LDLRAD4: variants seen among roughly 807,000 people sequenced by gnomAD.
LDLRAD4 encodes the protein low-density lipoprotein receptor class A domain-containing protein 4.
A neutral mutation model predicts 17.0 loss-of-function variants in LDLRAD4; 5 were observed. That is an observed-to-expected ratio of 0.29 (90% CI 0.15 to 0.62). The LOEUF is 0.62. Ranked by LOEUF, LDLRAD4 falls within the 20% of genes least tolerant of loss-of-function variation. LDLRAD4 has a pLI of 0.84. For missense variants in LDLRAD4, 340 were observed against 424.7 expected, an observed-to-expected ratio of 0.80 and a Z score of 1.75; for synonymous variants, 168 against 171.8, an observed-to-expected ratio of 0.98 and a Z score of 0.17.
chr18:13,349,854 A>G (rs1568036693), intron 1 of LDLRAD4, among the ~76,000 whole-genome samples: 3 of 151,120 alleles, frequency 2.0e-5, no homozygotes, highest in South Asian at 2.1e-4. Context: ...TCACTATTCA[A>G]CTCCCACTTA....
intron 3 of LDLRAD4, among the ~76,000 whole-genome samples, chr18:13,546,112 G>A (rs2094358270): frequency 6.6e-6 from 1 of 152,264 alleles, no homozygotes; most frequent in South Asian, 2.1e-4. Context: ...GCTTGGTGGG[G>A]AGTGGGTGGT....
intron 3 of LDLRAD4, among the ~76,000 whole-genome samples, chr18:13,446,186 G>A (rs548696141): frequency 2.5e-3 from 387 of 152,278 alleles, no homozygotes; most frequent in Middle Eastern, 0.01. Flanking sequence ...ACCCTAGAAA[G>A]GTCATAAGAA....
intron 1 of LDLRAD4, among the ~76,000 whole-genome samples, chr18:13,304,849 G>T (rs2046817178): frequency 6.6e-6 from 1 of 152,218 alleles, no homozygotes; most frequent in Non-Finnish European, 1.5e-5. Flanking sequence ...GGACAGGGAA[G>T]ATGACACAGC....
At chr18:13,498,335 C>G (rs1327151208) in intron 3 of LDLRAD4, among the ~76,000 whole-genome samples, 4 of 151,028 alleles carry the variant, frequency 2.6e-5, no homozygotes, top group African/African-American at 9.7e-5. Flanking sequence ...GCCGTGGACA[C>G]TGGAGAATCC....
At chr18:13,233,818 G>A (rs1300965245) in intron 1 of LDLRAD4, among the ~76,000 whole-genome samples, 6 of 151,942 alleles carry the variant, frequency 3.9e-5, no homozygotes, top group Non-Finnish European at 8.8e-5. Flanking sequence ...TGCCTACCGG[G>A]CATCTCTACT....
chr18:13,602,269 T>C (rs2095172181), intron 3 of LDLRAD4, among the ~76,000 whole-genome samples: 1 of 152,110 alleles, frequency 6.6e-6, no homozygotes, highest in African/African-American at 2.4e-5. Context: ...GCATGCAGTA[T>C]AACCTTGTAT....
intron 3 of LDLRAD4, among the ~76,000 whole-genome samples, chr18:13,535,231 A>C (rs2094186644): frequency 6.6e-6 from 1 of 152,216 alleles, no homozygotes; most frequent in African/African-American, 2.4e-5. Context: ...GTTTAATTTA[A>C]TGGGTAACGC....
chr18:13,298,984 T>G (rs1275347646), intron 1 of LDLRAD4, among the ~76,000 whole-genome samples: 1 of 152,136 alleles, frequency 6.6e-6, no homozygotes, highest in Non-Finnish European at 1.5e-5. Flanking sequence ...TAAAAGGGAG[T>G]GCTTAACTTA....
intron 1 of LDLRAD4, among the ~76,000 whole-genome samples, chr18:13,270,362 AAAAAAAAGAAAAGG>A (rs367798354): frequency 3.3e-5 from 5 of 152,100 alleles, no homozygotes; most frequent in East Asian, 3.9e-4. Flanking sequence ...CTCTTAAAAA[AAAAAAAAGAAAAGG>A]AAAAAAAGAA....
At chr18:13,224,082 C>T (rs985415927) in intron 1 of LDLRAD4, among the ~76,000 whole-genome samples, 2 of 152,210 alleles carry the variant, frequency 1.3e-5, no homozygotes, top group African/African-American at 2.4e-5. Flanking sequence ...AGCCCTCCCT[C>T]CCCAACTCCC....
intron 1 of LDLRAD4, among the ~76,000 whole-genome samples, chr18:13,253,244 G>A (rs2043320833): frequency 6.6e-6 from 1 of 152,084 alleles, no homozygotes. Flanking sequence ...GTGGGGTGGG[G>A]GGTGTGAGGC....
At chr18:13,411,617 G>T (rs545540656) in intron 2 of LDLRAD4, among the ~76,000 whole-genome samples, 14 of 152,124 alleles carry the variant, frequency 9.2e-5, no homozygotes, top group African/African-American at 3.1e-4. Flanking sequence ...CCCTGCACAC[G>T]CTCTCTTGCC....
At chr18:13,219,625 A>G (rs975787481) in intron 1 of LDLRAD4, among the ~76,000 whole-genome samples, 1 of 152,206 alleles carries the variant, frequency 6.6e-6, no homozygotes, top group Admixed American at 6.5e-5. Context: ...GTAGAGGTGG[A>G]TAGAGATGGT....
intron 2 of LDLRAD4, among the ~76,000 whole-genome samples, chr18:13,396,799 A>G (rs1003082383): frequency 2.0e-5 from 3 of 151,952 alleles, no homozygotes; most frequent in Non-Finnish European, 4.4e-5. Flanking sequence ...TTATTGTTTT[A>G]TTGTTATTTG....
chr18:13,625,297 C>T (rs1356439390), intron 4 of LDLRAD4, among the ~76,000 whole-genome samples: 1 of 152,162 alleles, frequency 6.6e-6, no homozygotes, highest in Non-Finnish European at 1.5e-5. Flanking sequence ...CTTACTGTTA[C>T]GTCTTTCTGC....
intron 1 of LDLRAD4, among the ~76,000 whole-genome samples, chr18:13,298,146 A>G (rs2046372585): frequency 6.6e-6 from 1 of 152,198 alleles, no homozygotes; most frequent in African/African-American, 2.4e-5. Flanking sequence ...TCCAGGGTGC[A>G]ATGGTGCACA....
chr18:13,258,292 G>A (rs2043614903), intron 1 of LDLRAD4, among the ~76,000 whole-genome samples: 1 of 151,932 alleles, frequency 6.6e-6, no homozygotes, highest in African/African-American at 2.4e-5. Flanking sequence ...GTAGTATTTT[G>A]CTTAACAGAG....
chr18:13,651,720 T>C (rs1407950459), exon 6 of LDLRAD4: 2 of 152,198 alleles, frequency 1.3e-5, no homozygotes, highest in African/African-American at 4.8e-5. Flanking sequence ...GTGTTGTCCA[T>C]AAGAGCAGTT....
intron 3 of LDLRAD4, among the ~76,000 whole-genome samples, chr18:13,445,524 G>A (rs1236593277): frequency 1.3e-5 from 2 of 151,408 alleles, no homozygotes; most frequent in Admixed American, 6.6e-5. Context: ...GCACGTGTGT[G>A]TATAAGAGTG....
Sources: gnomAD v4.1 joint callset for allele counts (sites outside exome capture counted in the v4.1 genomes callset) on GRCh38, gnomAD v4.1.1 for gene constraint, MANE v1.5 for transcripts, NCBI Gene and HGNC (gene_info 2026-07-23, HGNC 2026-07-21) for gene names.